RNF17: variants seen among roughly 807,000 people sequenced by gnomAD.
RNF17 encodes the protein spermatogenesis associated 23.
RNF17 carries 31 observed loss-of-function variants against 200.5 expected under a neutral mutation model. The ratio of observed to expected loss-of-function variants is 0.15; its 90% CI spans 0.12 to 0.21. The LOEUF is 0.21. Ranked by LOEUF, RNF17 falls within the 10% of genes least tolerant of loss-of-function variation. The probability of loss-of-function intolerance (pLI) is 1.00; values close to 1 mark genes in which losing one functional copy is unlikely to be tolerated. For synonymous variants in RNF17, 606 were observed against 637.8 expected (o/e 0.95, Z 0.75); for missense variants, 1,628 against 1,905.1 (o/e 0.85, Z 2.71).
chr13:24,863,955 A>T (rs1451527448), intron 28 of RNF17, among the ~76,000 whole-genome samples: 5 of 152,142 alleles, frequency 3.3e-5, no homozygotes, highest in Non-Finnish European at 7.3e-5. Context: ...GCCTGGACAC[A>T]CAGCTGGGGG....
intron 34 of RNF17, among the ~76,000 whole-genome samples, chr13:24,877,635 C>G (rs912616556): frequency 6.6e-5 from 10 of 152,092 alleles, no homozygotes; most frequent in Non-Finnish European, 2.9e-5. Context: ...AGAAGCCACT[C>G]AAGTATTTAA....
chr13:24,766,428 G>A (rs1394617668), intron 1 of RNF17, among the ~76,000 whole-genome samples: 2 of 152,194 alleles, frequency 1.3e-5, no homozygotes, highest in East Asian at 1.9e-4. Context: ...TAATCATGAT[G>A]TTAGGTTTTC....
At chr13:24,805,890 T>C (rs1366879604) in intron 15 of RNF17, among the ~76,000 whole-genome samples, 1 of 152,112 alleles carries the variant, frequency 6.6e-6, no homozygotes, top group Admixed American at 6.5e-5. Context: ...TAAATAACAT[T>C]CTTTTTTTTA....
chr13:24,786,313 C>T (rs919522607), intron 6 of RNF17, among the ~76,000 whole-genome samples: 2 of 152,182 alleles, frequency 1.3e-5, no homozygotes, highest in Non-Finnish European at 2.9e-5. Flanking sequence ...TACAAATCTG[C>T]CCCCCTTTAT....
chr13:24,782,592 T>A (rs1178141536), intron 6 of RNF17, among the ~76,000 whole-genome samples: 1 of 122,748 alleles, frequency 8.1e-6, no homozygotes. Flanking sequence ...AAGCTCACTT[T>A]GGGAGGCTGA....
the RNF17 span, chr13:24,885,950 T>C: frequency 2.2e-6 from 1 of 458,896 alleles, no homozygotes; most frequent in Non-Finnish European, 4.0e-6. Context: ...TCAGAGACAA[T>C]CACAAGGTGT....
the RNF17 span, among the ~76,000 whole-genome samples, chr13:24,753,404 T>A: frequency 5.3e-5 from 8 of 152,302 alleles, no homozygotes; most frequent in East Asian, 1.3e-3. Context: ...AAAGAGACAC[T>A]TCAGTGCTGA....
At chr13:24,807,218 C>T (rs1288488309) in intron 15 of RNF17, among the ~76,000 whole-genome samples, 2 of 151,912 alleles carry the variant, frequency 1.3e-5, no homozygotes, top group East Asian at 1.9e-4. Context: ...CCTGAGGAAT[C>T]GCCACACTGA....
At chr13:24,782,743 G>A (rs1266612519) in intron 6 of RNF17, among the ~76,000 whole-genome samples, 1 of 152,084 alleles carries the variant, frequency 6.6e-6, no homozygotes, top group African/African-American at 2.4e-5. Flanking sequence ...AGCTGAGGTG[G>A]GAGGATTGCT....
At chr13:24,826,187 G>C in intron 16 of RNF17, 1 of 673,720 alleles carries the variant, frequency 1.5e-6, no homozygotes, top group Non-Finnish European at 1.8e-6. Flanking sequence ...TGACTGAACT[G>C]CTAGTTTTCT....
At chr13:24,874,061 A>C in intron 32 of RNF17, 53 bp from the exon 33 acceptor site, 2 of 1,583,176 alleles carry the variant, frequency 1.3e-6, no homozygotes, top group Non-Finnish European at 1.7e-6. Flanking sequence ...CCTTTGGATT[A>C]AAAAAATTTA....
At chr13:24,837,115 TAAAAG>T (rs947301280) in intron 18 of RNF17, among the ~76,000 whole-genome samples, 22 of 152,052 alleles carry the variant, frequency 1.4e-4, no homozygotes, top group Admixed American at 2.0e-4. Context: ...CAACAGCAGT[TAAAAG>T]AGAGAGAGAG....
rs370112890 is a variant in RNF17, at chr13:24,764,291, A to G, written c.88A>G (p.Ile30Val). ...GAGTCAGCCCTGGGGTGCCGCTGAA[A>G]TCCAGTGCACCAGGTGTGGAAGGAG... ...RKSQPWGAAE[I>V]QCTRCGRRVS... The change falls in exon 1 of 36, where the codon ATC (isoleucine) becomes GTC (valine). Residue 30 changes from isoleucine (I) to valine (V), a missense_variant. Ile to Val is a conservative substitution (Grantham distance 29). Around this residue, in one of 5 missense-constraint regions of RNF17, gnomAD observed 502 missense variants for 501.7 expected, o/e 1.00. Transcript: ENST00000255324. The G allele has an allele frequency of 1.8e-5, 29 of 1,611,570 alleles. No individual in the cohort carries two copies. The Admixed American group carries it at 2.3e-4, about 13-fold the overall frequency.
intron 15 of RNF17, among the ~76,000 whole-genome samples, chr13:24,816,981 C>T (rs995529015): frequency 6.6e-6 from 1 of 152,122 alleles, no homozygotes; most frequent in Non-Finnish European, 1.5e-5. Flanking sequence ...ACCCGAAGAC[C>T]AAGTTAGAAG....
intron 1 of RNF17, among the ~76,000 whole-genome samples, chr13:24,766,978 T>G (rs1321539297): frequency 6.6e-6 from 1 of 152,264 alleles, no homozygotes; most frequent in Admixed American, 6.5e-5. Flanking sequence ...TATCTTTTCC[T>G]GTACAGTAGG....
intron 5 of RNF17, among the ~76,000 whole-genome samples, chr13:24,780,156 A>G (rs755992917): frequency 7.2e-5 from 11 of 152,184 alleles, no homozygotes; most frequent in Non-Finnish European, 1.2e-4. Flanking sequence ...AACAAAATTT[A>G]CAATTAAGGA....
In RNF17 at chr13:24,800,379, C is replaced by A; in HGVS notation, c.1603C>A (p.His535Asn). 1 of 1,591,374 alleles carries A rather than the reference C, an allele frequency of 6.3e-7. No homozygotes were observed. The highest frequency in any genetic ancestry group is 8.6e-7 in the Non-Finnish European group (1 of 1,165,914). Residue 535 changes from histidine to asparagine, a missense_variant, in exon 13 of 36, where the codon CAT (histidine) becomes AAT (asparagine). His to Asn is a moderately conservative substitution (Grantham distance 68, BLOSUM62 1). Transcript: ENST00000255324. ...VLIVTGVVDTHVRPEHSAKQH... is the reference protein window; with the variant it reads ...VLIVTGVVDTNVRPEHSAKQH... ...AATTTCTCCTAGAGTTGTTGATACC[C>A]ATGTGAGACCAGAACACTCTGCTAA...
chr13:24,780,216 G>A (rs959925149), intron 5 of RNF17, among the ~76,000 whole-genome samples: 2 of 152,058 alleles, frequency 1.3e-5, no homozygotes, highest in Admixed American at 1.3e-4. Context: ...TTGCATAGAA[G>A]GACATGACAT....
intron 31 of RNF17, 38 bp downstream of exon 31, chr13:24,868,754 T>G (rs1433437598): frequency 2.5e-5 from 27 of 1,074,818 alleles, no homozygotes; most frequent in Non-Finnish European, 3.0e-5. Flanking sequence ...ATTAAAAATG[T>G]AACAAGCTGT....
Sources: allele counts gnomAD v4.1 joint callset (sites outside exome capture counted in the v4.1 genomes callset), GRCh38; gene constraint gnomAD v4.1.1; regional missense constraint gnomAD v4.1.1; transcripts MANE v1.5; gene names NCBI Gene and HGNC (gene_info 2026-07-23, HGNC 2026-07-21).